The following LINC00305 variants were observed in gnomAD, a reference collection of about 807,000 sequenced individuals.
LINC00305 encodes long independently transcribed non-coding RNA 305, also known as long intergenic non-protein coding RNA 305.
chr18:64,138,162 A>G (rs372574314), intron 1 of LINC00305, among the ~76,000 whole-genome samples: 3 of 152,192 alleles, frequency 2.0e-5, no homozygotes, highest in Admixed American at 6.5e-5. Flanking sequence ...TGCAGGTTCC[A>G]TAAGTGAGGG....
intron 1 of LINC00305, among the ~76,000 whole-genome samples, chr18:64,101,729 A>G (rs535005231): frequency 1.4e-4 from 21 of 152,246 alleles, no homozygotes; most frequent in African/African-American, 4.1e-4. Flanking sequence ...AACACTGTTT[A>G]ACTCACTACA....
At chr18:64,134,046 G>A (rs893061609) in intron 1 of LINC00305, among the ~76,000 whole-genome samples, 4 of 152,198 alleles carry the variant, frequency 2.6e-5, no homozygotes, top group East Asian at 3.9e-4. Flanking sequence ...ATTAAACATC[G>A]GAGGGGCTTC....
At chr18:64,143,613 T>TTATGC (rs2051478511) in intron 1 of LINC00305, among the ~76,000 whole-genome samples, 3 of 113,132 alleles carry the variant, frequency 2.7e-5, no homozygotes, top group African/African-American at 7.4e-5. Context: ...TATGTACATA[T>TTATGC]GTACACATAT....
At chr18:64,119,148 A>C (rs1230670499) in intron 1 of LINC00305, among the ~76,000 whole-genome samples, 3 of 152,114 alleles carry the variant, frequency 2.0e-5, no homozygotes, top group African/African-American at 7.2e-5. Context: ...AAGACAATAC[A>C]TGTGACTCCA....
At chr18:64,124,499 A>G (rs2051376444) in intron 1 of LINC00305, among the ~76,000 whole-genome samples, 1 of 152,150 alleles carries the variant, frequency 6.6e-6, no homozygotes. Flanking sequence ...GACACTCAGT[A>G]AAAGCTTGTT....
intron 1 of LINC00305, among the ~76,000 whole-genome samples, chr18:64,108,785 T>A (rs1045160199): frequency 1.3e-5 from 2 of 152,186 alleles, no homozygotes; most frequent in Non-Finnish European, 2.9e-5. Context: ...CAATACATAC[T>A]TTGATTATAT....
At chr18:64,130,505 C>CA (rs140567767) in intron 1 of LINC00305, among the ~76,000 whole-genome samples, 9,847 of 151,938 alleles carry the variant, frequency 0.065, 1,054 homozygotes, top group African/African-American at 0.22. Context: ...AACACATTTC[C>CA]AAAAAAATAC....
chr18:64,120,513 G>A (rs531659614), intron 1 of LINC00305, among the ~76,000 whole-genome samples: 2 of 151,472 alleles, frequency 1.3e-5, no homozygotes, highest in African/African-American at 2.4e-5. Flanking sequence ...CATATTAGTC[G>A]TCGAAATTGT....
At chr18:64,104,206 A>G (rs1266504200) in intron 1 of LINC00305, 1 of 152,206 alleles carries the variant, frequency 6.6e-6, no homozygotes, top group African/African-American at 2.4e-5. Context: ...TCTGAGAAAG[A>G]AGCTTCTAGA....
At chr18:64,094,694 C>A (rs923180080) in intron 3 of LINC00305, among the ~76,000 whole-genome samples, 2 of 152,044 alleles carry the variant, frequency 1.3e-5, no homozygotes, top group East Asian at 3.9e-4. Flanking sequence ...AAAACCCCAT[C>A]TCTACTAAAA....
At chr18:64,138,919 A>T (rs2051447888) in intron 1 of LINC00305, among the ~76,000 whole-genome samples, 1 of 152,138 alleles carries the variant, frequency 6.6e-6, no homozygotes. Flanking sequence ...CAAATGAATC[A>T]AAGAGTATGT....
Position 64,098,068 on chromosome 18 carries a change from C to T in LINC00305, n.379-73G>A, listed in dbSNP as rs750702142. 2.0e-5 allele frequency: 9 copies of T among 449,982 alleles called. 1 individual carries two copies. Among genetic ancestry groups the T allele is most frequent in the South Asian group, 6.3e-5 (4 of 63,986 alleles). 27.9% of individuals were successfully genotyped at this position (449,982 alleles called of 1,614,324 possible). ...CAACAACAAAATTAAAGATTTATTA[C>T]GTATTATTGAATAAAGGTACAGAGG... is the stretch of plus-strand genomic sequence containing the variant. On this transcript the variant is annotated intron_variant and non_coding_transcript_variant, in intron 2 of 3. Transcript: ENST00000666468.
intron 3 of LINC00305, among the ~76,000 whole-genome samples, chr18:64,086,505 T>A (rs2051204062): frequency 6.6e-6 from 1 of 152,228 alleles, no homozygotes; most frequent in East Asian, 1.9e-4. Flanking sequence ...ATTTCTAAGG[T>A]TGCTTGAAAG....
Position 64,092,445 on chromosome 18 carries a change from C to G in LINC00305, n.540+5389G>C, listed in dbSNP as rs891941640. Among the ~76,000 whole-genome samples, 3 of 152,106 alleles carry G rather than the reference C, an allele frequency of 2.0e-5. No homozygotes were observed. The East Asian group carries it at 5.8e-4, about 29-fold the overall frequency. On this transcript the variant is annotated intron_variant and non_coding_transcript_variant, in intron 3 of 3. Coordinates refer to ENST00000666468, the Ensembl canonical transcript of LINC00305. ...GGTGTGGTGGCAGGTGCCTGTAGTC[C>G]CAGCTACTCAGGAGGCTGAGGCCGG...
exon 4 of LINC00305, chr18:64,080,293 T>C (rs2051179660): frequency 2.2e-6 from 1 of 457,068 alleles, no homozygotes; most frequent in Admixed American, 2.4e-5. Context: ...ACAGAAAACG[T>C]CATCCAGCTT....
exon 3 of LINC00305, chr18:64,097,942 C>A: frequency 2.2e-6 from 1 of 457,958 alleles, no homozygotes; most frequent in South Asian, 1.5e-5. Context: ...GGCTGCTGAC[C>A]AGTTTCCATC....
intron 3 of LINC00305, among the ~76,000 whole-genome samples, chr18:64,096,068 A>C (rs1003311934): frequency 2.0e-5 from 3 of 152,080 alleles, no homozygotes; most frequent in South Asian, 4.1e-4. Context: ...AAACTTTCCT[A>C]TATGCTACTT....
chr18:64,095,437 T>C (rs1433605581), intron 3 of LINC00305, among the ~76,000 whole-genome samples: 1 of 146,904 alleles, frequency 6.8e-6, no homozygotes, highest in Non-Finnish European at 1.5e-5. Flanking sequence ...ATGATCTCAC[T>C]AAAATATAAG....
chr18:64,088,939 A>T (rs1232602127), intron 3 of LINC00305, among the ~76,000 whole-genome samples: 5 of 152,280 alleles, frequency 3.3e-5, no homozygotes, highest in Admixed American at 1.3e-4. Context: ...GACCAACCTT[A>T]GGGCTGGGGC....
Sources: allele counts gnomAD v4.1 joint callset (sites outside exome capture counted in the v4.1 genomes callset), GRCh38; gene constraint gnomAD v4.1.1; transcripts MANE v1.5; gene names NCBI Gene and HGNC (gene_info 2026-07-23, HGNC 2026-07-21).